Variants in AGTR1 observed in about 807,000 individuals in gnomAD.
The protein encoded by AGTR1 is angiotensin II receptor type 1, also known as type-1 angiotensin II receptor.
Under a neutral mutation model 19.4 loss-of-function variants are expected in AGTR1, and 16 were observed. That is an observed-to-expected ratio of 0.82 (90% CI 0.56 to 1.25). AGTR1 has a LOEUF of 1.25. Ranked by LOEUF, AGTR1 falls within the 50% of genes most tolerant of loss-of-function variation. AGTR1 has a pLI of 0.00. For synonymous variants in AGTR1, 153 were observed against 154.9 expected (o/e 0.99, Z 0.09); for missense variants, 373 against 431.9 (o/e 0.86, Z 1.21).
chr3:148,719,355 C>T (rs911181516), intron 2 of AGTR1, among the ~76,000 whole-genome samples: 2 of 151,990 alleles, frequency 1.3e-5, no homozygotes, highest in Non-Finnish European at 2.9e-5. Flanking sequence ...TTTAGATGTT[C>T]CTCAATTCCT....
intron 2 of AGTR1, among the ~76,000 whole-genome samples, chr3:148,721,317 C>G (rs185271344): frequency 6.0e-4 from 92 of 152,238 alleles, no homozygotes; most frequent in Middle Eastern, 3.4e-3. Context: ...TTAATCATTG[C>G]AGTATTATCC....
At chr3:148,715,567 C>T (rs973140488) in intron 2 of AGTR1, among the ~76,000 whole-genome samples, 1 of 152,124 alleles carries the variant, frequency 6.6e-6, no homozygotes, top group African/African-American at 2.4e-5. Flanking sequence ...GAAAAAAATG[C>T]AGCTTCCTTT....
At chr3:148,730,863 CT>C (rs1441988374) in intron 2 of AGTR1, among the ~76,000 whole-genome samples, 5 of 152,148 alleles carry the variant, frequency 3.3e-5, no homozygotes, top group Non-Finnish European at 7.3e-5. Context: ...GAGGGGCCAA[CT>C]AGGGGACGTC....
At chr3:148,739,344 G>A (rs1177808240) in intron 2 of AGTR1, among the ~76,000 whole-genome samples, 3 of 149,424 alleles carry the variant, frequency 2.0e-5, no homozygotes, top group Non-Finnish European at 4.4e-5. Flanking sequence ...GGGCAATACA[G>A]TGACACTCTG....
chr3:148,711,256 A>G (rs1381665187), intron 2 of AGTR1, among the ~76,000 whole-genome samples: 1 of 152,172 alleles, frequency 6.6e-6, no homozygotes, highest in African/African-American at 2.4e-5. Flanking sequence ...ACTTATACCT[A>G]GCAGTTCAAT....
At chr3:148,730,474 G>T (rs1245544955) in intron 2 of AGTR1, 1 of 346,560 alleles carries the variant, frequency 2.9e-6, no homozygotes, top group Non-Finnish European at 5.2e-6. Flanking sequence ...CTTTACGCCA[G>T]TCCTGAATGT....
At chr3:148,715,471 C>T (rs1326065995) in intron 2 of AGTR1, among the ~76,000 whole-genome samples, 3 of 152,114 alleles carry the variant, frequency 2.0e-5, no homozygotes, top group African/African-American at 7.2e-5. Context: ...GATGTCATGT[C>T]TCCCCCAAAC....
intron 2 of AGTR1, among the ~76,000 whole-genome samples, chr3:148,729,837 G>C (rs1423525933): frequency 6.6e-6 from 1 of 152,116 alleles, no homozygotes; most frequent in African/African-American, 2.4e-5. Context: ...GAAACAGTCT[G>C]GTCCAAGCAG....
intron 2 of AGTR1, among the ~76,000 whole-genome samples, chr3:148,717,052 A>C (rs1713344844): frequency 1.3e-5 from 2 of 152,286 alleles, no homozygotes; most frequent in Middle Eastern, 3.4e-3. Flanking sequence ...AAGGGCAAAA[A>C]CTTTGGGGAA....
rs996683103 is a variant in AGTR1 at position 148,716,862 on chromosome 3, A to G, written c.-48+8835A>G. 6.6e-6 allele frequency among the ~76,000 whole-genome samples: 1 copy of G among 152,182 alleles called. No individual in the cohort carries two copies. Among genetic ancestry groups the G allele is most frequent in the African/African-American group, 2.4e-5 (1 of 41,450 alleles). On this transcript the variant is annotated intron_variant, in intron 2 of 2. Transcript: ENST00000349243. The surrounding 1 kb of genome is among the most constrained non-coding windows in gnomAD (Gnocchi z 4.7). ...CTGTCCCTGGTGGACTCTTGTTTCA[A>G]TGCAGTTATTTTGTCTGGTAGAGTC...
intron 1 of AGTR1, among the ~76,000 whole-genome samples, chr3:148,703,031 A>G (rs2107925180): frequency 6.6e-6 from 1 of 152,296 alleles, no homozygotes; most frequent in South Asian, 2.1e-4. Context: ...TGGAGAAAAG[A>G]GTAAGGAAAG....
intron 2 of AGTR1, among the ~76,000 whole-genome samples, chr3:148,720,130 G>A (rs1158800135): frequency 1.3e-5 from 2 of 152,128 alleles, no homozygotes; most frequent in Non-Finnish European, 2.9e-5. Flanking sequence ...TATTGGGTTA[G>A]AGGTAGCTAC....
intron 1 of AGTR1, among the ~76,000 whole-genome samples, chr3:148,704,365 C>CAAA (rs1559921638): frequency 3.0e-4 from 34 of 113,044 alleles, no homozygotes; most frequent in African/African-American, 1.6e-3. Context: ...GACCCTGTCT[C>CAAA]GAATAATAAT....
rs925602178 is a variant in AGTR1, at chr3:148,709,201, A to G, written c.-48+1174A>G. 2.0e-5 allele frequency among the ~76,000 whole-genome samples: 3 copies of G among 152,098 alleles called. 1 individual carries two copies. The highest frequency in any genetic ancestry group is 2.0e-4 in the Admixed American group (3 of 15,264). On this transcript the variant is annotated intron_variant, in intron 2 of 2. Transcript: ENST00000349243. The stretch of plus-strand genomic sequence containing the variant: ...ATTTTCTGCAAAAATCCAGCTCTGG[A>G]AAGAGTGTATTAAGATGCATATCCT...
chr3:148,711,719 A>G (rs1233987900), intron 2 of AGTR1, among the ~76,000 whole-genome samples: 3 of 152,288 alleles, frequency 2.0e-5, no homozygotes, highest in African/African-American at 7.2e-5. Context: ...TTTAAATTAG[A>G]TTTAAATAGA....
intron 2 of AGTR1, among the ~76,000 whole-genome samples, chr3:148,713,639 C>T (rs1001695551): frequency 1.3e-5 from 2 of 151,968 alleles, no homozygotes; most frequent in Non-Finnish European, 2.9e-5. Context: ...GATGTGGAGT[C>T]AGTCACATAC....
At chr3:148,704,687 G>T (rs547324755) in intron 1 of AGTR1, among the ~76,000 whole-genome samples, 1 of 152,312 alleles carries the variant, frequency 6.6e-6, no homozygotes, top group South Asian at 2.1e-4. Context: ...GTTTCACCCA[G>T]TGCAGGTAGA....
intron 2 of AGTR1, among the ~76,000 whole-genome samples, chr3:148,736,790 G>C (rs1396727279): frequency 6.6e-6 from 1 of 152,154 alleles, no homozygotes; most frequent in Non-Finnish European, 1.5e-5. Context: ...ATTCATGTAA[G>C]CCACAGAGCT....
chr3:148,730,068 G>T, intron 2 of AGTR1: 1 of 391,342 alleles, frequency 2.6e-6, no homozygotes, highest in Non-Finnish European at 4.5e-6. Flanking sequence ...AGCACCTCCA[G>T]ATCCATGATC....
Sources: gnomAD v4.1 joint callset for allele counts (sites outside exome capture counted in the v4.1 genomes callset) on GRCh38, gnomAD v4.1.1 for gene constraint, Gnocchi (gnomAD v3.1) non-coding constraint, MANE v1.5 for transcripts, NCBI Gene and HGNC (gene_info 2026-07-23, HGNC 2026-07-21) for gene names.